The following VMP1 variants were observed in gnomAD, a reference collection of about 807,000 sequenced individuals.
VMP1 encodes the protein ectopic P-granules autophagy protein 3 homolog.
A neutral mutation model predicts 56.0 loss-of-function variants in VMP1; 11 were observed. The ratio of observed to expected loss-of-function variants is 0.20; its 90% CI spans 0.12 to 0.32. VMP1 has a LOEUF of 0.32. Ranked by LOEUF, VMP1 falls within the 10% of genes least tolerant of loss-of-function variation. VMP1 has a pLI of 1.00. For synonymous variants in VMP1, 149 were observed against 165.0 expected (o/e 0.90, Z 0.74); for missense variants, 296 against 490.3 (o/e 0.60, Z 3.74).
intron 5 of VMP1, among the ~76,000 whole-genome samples, chr17:59,755,734 G>A (rs1376873263): frequency 7.0e-6 from 1 of 142,168 alleles, no homozygotes; most frequent in Non-Finnish European, 1.5e-5. Flanking sequence ...TTTTTGTTTT[G>A]GTTTTTGGTT....
Position 59,762,725 on chromosome 17 carries a change from T to C in VMP1, c.415-2246T>C, listed in dbSNP as rs538581198. ...GAAAATATATGTCAGTTTAGTTGAG[T>C]GAATGAACAGACTTCTTTAGAAGAA... On this transcript the variant is annotated intron_variant, in intron 5 of 11. Transcript: ENST00000262291. Among the ~76,000 whole-genome samples, 289 of 152,238 alleles carry C rather than the reference T, an allele frequency of 1.9e-3. 3 individuals carry two copies. The highest frequency in any genetic ancestry group is 6.7e-3 in the African/African-American group (278 of 41,554).
At chr17:59,812,500 T>C (rs1302324013) in intron 9 of VMP1, among the ~76,000 whole-genome samples, 2 of 152,180 alleles carry the variant, frequency 1.3e-5, no homozygotes, top group East Asian at 3.8e-4. Context: ...GAAGGGAAAA[T>C]GGATATGTGC....
At chr17:59,785,183 A>G (rs1374423183) in intron 7 of VMP1, 2 of 152,186 alleles carry the variant, frequency 1.3e-5, no homozygotes, top group Non-Finnish European at 2.9e-5. Flanking sequence ...GTTGTGGTAC[A>G]TATTTACTTA....
chr17:59,788,994 G>A (rs1235725549), intron 7 of VMP1, among the ~76,000 whole-genome samples: 2 of 148,936 alleles, frequency 1.3e-5, no homozygotes, highest in African/African-American at 2.5e-5. Flanking sequence ...AATGCCTTTA[G>A]AAAGGCCCCT....
At chr17:59,793,437 A>G (rs2037311372) in intron 7 of VMP1, among the ~76,000 whole-genome samples, 1 of 117,062 alleles carries the variant, frequency 8.5e-6, no homozygotes. Context: ...ATTTCTATGC[A>G]GTAATAAATC....
intron 10 of VMP1, among the ~76,000 whole-genome samples, chr17:59,829,436 G>T (rs543561874): frequency 2.0e-5 from 3 of 152,218 alleles, no homozygotes; most frequent in East Asian, 3.9e-4. Flanking sequence ...TGTCATTTTT[G>T]AATAAGGGCA....
chr17:59,799,513 A>G (rs1337899716), intron 7 of VMP1, among the ~76,000 whole-genome samples: 1 of 152,142 alleles, frequency 6.6e-6, no homozygotes, highest in Non-Finnish European at 1.5e-5. Context: ...AGTAATTTAA[A>G]ATTTATTAAC....
At chr17:59,796,143 C>T (rs1319039005) in intron 7 of VMP1, among the ~76,000 whole-genome samples, 1 of 152,090 alleles carries the variant, frequency 6.6e-6, no homozygotes, top group Non-Finnish European at 1.5e-5. Flanking sequence ...ATACACATAC[C>T]CTAAATTAGG....
intron 10 of VMP1, among the ~76,000 whole-genome samples, chr17:59,832,182 CTTTTTTTTTTTT>C (rs766864144): frequency 5.8e-5 from 6 of 102,784 alleles, no homozygotes; most frequent in East Asian, 2.6e-4. Context: ...ATGAGATCAA[CTTTTTTTTTTTT>C]TTTTTTTTTT....
chr17:59,752,871 T>C (rs1343411619), intron 5 of VMP1, among the ~76,000 whole-genome samples: 2 of 152,220 alleles, frequency 1.3e-5, no homozygotes, highest in African/African-American at 4.8e-5. Flanking sequence ...CTATGTAAGA[T>C]GATAAACATG....
At chr17:59,805,060 A>G (rs909337463) in intron 7 of VMP1, among the ~76,000 whole-genome samples, 1 of 152,208 alleles carries the variant, frequency 6.6e-6, no homozygotes, top group Non-Finnish European at 1.5e-5. Context: ...AAAGCTCTCC[A>G]TTAAAAAGGC....
At position 59,840,046 on chromosome 17, in the gene VMP1, A is replaced by G. The variant is rs1033276903; in HGVS notation, c.*135A>G. On this transcript the variant is annotated 3_prime_UTR_variant, in exon 12 of 12. Coordinates refer to ENST00000262291, the MANE Select transcript of VMP1 (RefSeq NM_030938.5). ...ACAACTTTTTTCCTGAAAGCAGTTT[A>G]GTCCATACTTTGCACTGACATACTT... 4.3e-6 allele frequency: 5 copies of G among 1,175,660 alleles called. No homozygotes were observed. In the Admixed American group the frequency reaches 1.5e-4, roughly 34 times the overall value. 72.8% of individuals were successfully genotyped at this position (1,175,660 alleles called of 1,614,324 possible).
intron 10 of VMP1, among the ~76,000 whole-genome samples, chr17:59,829,153 T>C (rs1217517679): frequency 1.3e-5 from 2 of 152,192 alleles, no homozygotes; most frequent in African/African-American, 4.8e-5. Flanking sequence ...GATTCATGTG[T>C]TCTATTCAGT....
At chr17:59,782,635 T>C (rs990492059) in intron 7 of VMP1, among the ~76,000 whole-genome samples, 2 of 152,154 alleles carry the variant, frequency 1.3e-5, no homozygotes, top group Admixed American at 6.5e-5. Flanking sequence ...TCCAATTTGA[T>C]AGAAGCAATA....
intron 1 of VMP1, among the ~76,000 whole-genome samples, chr17:59,722,701 G>A (rs187474563): frequency 8.5e-5 from 13 of 152,200 alleles, no homozygotes; most frequent in East Asian, 1.9e-4. Flanking sequence ...AAAATTAGCC[G>A]GGCATGGGGG....
intron 9 of VMP1, among the ~76,000 whole-genome samples, chr17:59,817,282 C>CAAAA (rs1209080230): frequency 8.3e-5 from 5 of 60,362 alleles, no homozygotes; most frequent in Non-Finnish European, 1.3e-4. Flanking sequence ...AACTCTGTCT[C>CAAAA]AAAAAAAAAA....
chr17:59,819,241 G>C (rs904060560), intron 10 of VMP1, among the ~76,000 whole-genome samples: 1 of 151,980 alleles, frequency 6.6e-6, no homozygotes, highest in Non-Finnish European at 1.5e-5. Flanking sequence ...TACAAATAAA[G>C]TATTTTATAT....
At chr17:59,712,242 T>A (rs2033961540) in intron 1 of VMP1, among the ~76,000 whole-genome samples, 1 of 152,208 alleles carries the variant, frequency 6.6e-6, no homozygotes, top group Non-Finnish European at 1.5e-5. Context: ...GCTTACTTAA[T>A]TATTGTTTGC....
intron 9 of VMP1, among the ~76,000 whole-genome samples, chr17:59,815,661 G>C (rs909024741): frequency 9.9e-5 from 15 of 151,334 alleles, no homozygotes; most frequent in African/African-American, 3.7e-4. Flanking sequence ...AGACCATCCT[G>C]GCTAACACGG....
Sources: allele counts gnomAD v4.1 joint callset (sites outside exome capture counted in the v4.1 genomes callset), GRCh38; gene constraint gnomAD v4.1.1; transcripts MANE v1.5; gene names NCBI Gene and HGNC (gene_info 2026-07-23, HGNC 2026-07-21).